Variants in YLPM1 observed in about 807,000 individuals in gnomAD.
YLPM1 encodes the protein YLP motif-containing protein 1.
A neutral mutation model predicts 230.0 loss-of-function variants in YLPM1; 99 were observed. That is an observed-to-expected ratio of 0.43 (90% CI 0.37 to 0.51). The LOEUF (loss-of-function observed/expected upper bound fraction) is 0.51, where lower values mean the gene tolerates loss of function less well. YLPM1 is among the 20% of genes least tolerant of loss of function. The pLI, the probability that YLPM1 is intolerant of heterozygous loss-of-function variation, is 0.00. For synonymous variants in YLPM1, 984 were observed against 942.5 expected, an observed-to-expected ratio of 1.04 and a Z score of -0.81; for missense variants, 2,592 against 2,707.7, an observed-to-expected ratio of 0.96 and a Z score of 0.95.
At chr14:74,834,940 G>A (rs962530101) in intron 19 of YLPM1, 1 of 215,952 alleles carries the variant, frequency 4.6e-6, no homozygotes, top group Non-Finnish European at 9.3e-6. Flanking sequence ...GGAAGACTAG[G>A]TAGAGATTAG....
intron 15 of YLPM1, among the ~76,000 whole-genome samples, chr14:74,817,825 T>G (rs1429850405): frequency 6.6e-6 from 1 of 152,046 alleles, no homozygotes; most frequent in Non-Finnish European, 1.5e-5. Context: ...GAGGCTGAGG[T>G]GGGCGGATCG....
At chr14:74,813,419 CT>C (rs956277926) in intron 11 of YLPM1, among the ~76,000 whole-genome samples, 68 of 146,802 alleles carry the variant, frequency 4.6e-4, no homozygotes, top group Middle Eastern at 3.6e-3. Context: ...ATGGTTGGAT[CT>C]TTTTTTTTTT....
chr14:74,764,466 C>T, intron 1 of YLPM1, 104 bp downstream of exon 1: 1 of 1,351,654 alleles, frequency 7.4e-7, no homozygotes, highest in Non-Finnish European at 9.8e-7. Context: ...CACACAATGA[C>T]TAGCTAACAC....
At position 74,772,566 on chromosome 14, in the gene YLPM1, T is replaced by C. The variant is rs1215986674; in HGVS notation, c.874-5881T>C. 5.3e-5 allele frequency among the ~76,000 whole-genome samples: 8 copies of C among 152,010 alleles called. No homozygotes were observed. The South Asian group carries it at 8.3e-4, about 16-fold the overall frequency. On this transcript the variant is annotated intron_variant, in intron 1 of 20. Transcript: ENST00000325680. ...TAGAGACAGGGTTTCACCATGTTGGTCAGGCTGGTCTCGAACTCCTCACCT... is the reference window on the plus strand; with the variant it reads ...TAGAGACAGGGTTTCACCATGTTGGCCAGGCTGGTCTCGAACTCCTCACCT...
At chr14:74,812,587 A>G (rs367751516) in intron 10 of YLPM1, 41 bp from the exon 11 acceptor site, 8 of 1,574,036 alleles carry the variant, frequency 5.1e-6, no homozygotes, top group Non-Finnish European at 6.0e-6. Flanking sequence ...CAAAATAATT[A>G]CTCTACAAAT....
At chr14:74,812,526 G>A (rs1031376051) in intron 10 of YLPM1, 102 bp from the exon 11 acceptor site, 4 of 1,205,906 alleles carry the variant, frequency 3.3e-6, no homozygotes, top group Non-Finnish European at 3.2e-6. Context: ...CAAAATCACT[G>A]GACTTGGTTT....
intron 9 of YLPM1, among the ~76,000 whole-genome samples, chr14:74,810,836 T>G (rs761456489): frequency 1.3e-5 from 2 of 152,132 alleles, no homozygotes; most frequent in Non-Finnish European, 2.9e-5. Flanking sequence ...CTATTTTGTA[T>G]GGAGACGGGG....
chr14:74,763,336 C>A lies in YLPM1; in HGVS notation c.-154C>A. On this transcript the variant is annotated 5_prime_UTR_variant, in exon 1 of 21. Transcript: ENST00000325680. ...CCCGCCTTCCCGGTCGCGGGCCCAGCTCGGGAGCGCCGGCGCACTGGCGCG... is the reference window on the plus strand; with the variant it reads ...CCCGCCTTCCCGGTCGCGGGCCCAGATCGGGAGCGCCGGCGCACTGGCGCG... 2.2e-6 allele frequency: 2 copies of A among 922,684 alleles called. No homozygotes were observed. The highest frequency in any genetic ancestry group is 2.9e-6 in the Non-Finnish European group (2 of 683,990). The allele number at this position is 922,684 out of a possible 1,614,324, so 57.2% of individuals were successfully genotyped here. A position where few individuals can be genotyped will look rare whatever the true frequency, so the allele number is the denominator to read the frequency against.
intron 1 of YLPM1, among the ~76,000 whole-genome samples, chr14:74,765,433 G>T (rs1421068592): frequency 6.6e-6 from 1 of 152,210 alleles, no homozygotes; most frequent in East Asian, 1.9e-4. Context: ...GTTGTTTTAA[G>T]AAATGATGCT....
chr14:74,815,979 G>T (rs2091474815), intron 11 of YLPM1, among the ~76,000 whole-genome samples: 1 of 151,868 alleles, frequency 6.6e-6, no homozygotes, highest in Non-Finnish European at 1.5e-5. Context: ...TCACGTATTT[G>T]TGAGTTTCTC....
chr14:74,780,855 TA>T (rs2091085332), intron 3 of YLPM1, among the ~76,000 whole-genome samples: 1 of 152,190 alleles, frequency 6.6e-6, no homozygotes, highest in Non-Finnish European at 1.5e-5. Context: ...ACCATATAGC[TA>T]CAGGTTAACC....
chr14:74,811,766 G>A, intron 10 of YLPM1, 28 bp downstream of exon 10: 1 of 1,454,686 alleles, frequency 6.9e-7, no homozygotes, highest in Non-Finnish European at 9.3e-7. Flanking sequence ...TAACTACAAG[G>A]ATGTTGAGAA....
At chr14:74,779,640 AC>A (rs1339746804) in intron 2 of YLPM1, among the ~76,000 whole-genome samples, 1 of 101,516 alleles carries the variant, frequency 9.9e-6, no homozygotes, top group East Asian at 3.2e-4. Context: ...CTTAAGGTTC[AC>A]TTTTTTTTTT....
chr14:74,765,872 A>C lies in YLPM1; in HGVS notation c.873+1510A>C, dbSNP rs148872165. On this transcript the variant is annotated intron_variant, in intron 1 of 20. Coordinates refer to ENST00000325680, the MANE Select transcript of YLPM1 (RefSeq NM_019589.3). ...ATTCAGTGCCTGCAATTCTTTGGTGAGAGGCAGAGTGGTGGAAAATGAGAC... is the reference window on the plus strand; with the variant it reads ...ATTCAGTGCCTGCAATTCTTTGGTGCGAGGCAGAGTGGTGGAAAATGAGAC... Among the ~76,000 whole-genome samples, 14 of 152,294 alleles carry C rather than the reference A, an allele frequency of 9.2e-5. No homozygotes were observed. The East Asian group carries it at 2.7e-3, about 29-fold the overall frequency.
rs780555267 is a variant in YLPM1, at chr14:74,764,060, C to T, written c.571C>T (p.Pro191Ser). Reference sequence around the variant, plus strand: ...CTACCTGCCTCCTGCTCAGCCGTCCCCTTCGCAGTCCCCACCTTCCCAATC... The same window carrying T: ...CTACCTGCCTCCTGCTCAGCCGTCCTCTTCGCAGTCCCCACCTTCCCAATC... ...QPYLPPAQPS[P>S]SQSPPSQSYL... The change falls in exon 1 of 21, where the codon CCT (proline) becomes TCT (serine). Residue 191 changes from proline (P) to serine (S), a missense_variant. Transcript: ENST00000325680. 1.2e-6 allele frequency: 2 copies of T among 1,612,926 alleles called. No individual in the cohort carries two copies. The highest frequency in any genetic ancestry group is 1.7e-6 in the Non-Finnish European group (2 of 1,179,670).
At chr14:74,775,204 G>A (rs531853922) in intron 1 of YLPM1, among the ~76,000 whole-genome samples, 22 of 152,114 alleles carry the variant, frequency 1.4e-4, no homozygotes, top group Non-Finnish European at 2.5e-4. Context: ...ATAGTAATGA[G>A]TGACCGAGAG....
intron 19 of YLPM1, among the ~76,000 whole-genome samples, chr14:74,833,705 C>G (rs971372327): frequency 5.3e-5 from 8 of 152,218 alleles, no homozygotes; most frequent in Non-Finnish European, 1.0e-4. Context: ...TAAAAACCTA[C>G]TTTCTGGAAA....
intron 16 of YLPM1, 29 bp from the exon 17 acceptor site, chr14:74,821,028 T>C (rs1457542936): frequency 7.1e-5 from 11 of 154,918 alleles, no homozygotes; most frequent in Non-Finnish European, 1.5e-4. Context: ...TAACTCAGTC[T>C]TTTTTTTTTT....
chr14:74,792,902 T>G (rs1281738505), intron 4 of YLPM1, among the ~76,000 whole-genome samples: 3 of 152,132 alleles, frequency 2.0e-5, no homozygotes. Flanking sequence ...GGGTGAGGGG[T>G]AAATTTTCTG....
Sources: allele counts gnomAD v4.1 joint callset (sites outside exome capture counted in the v4.1 genomes callset), GRCh38; gene constraint gnomAD v4.1.1; transcripts MANE v1.5; gene names NCBI Gene and HGNC (gene_info 2026-07-23, HGNC 2026-07-21).